The following BAALC variants were observed in gnomAD, a reference collection of about 807,000 sequenced individuals.
The protein encoded by BAALC is brain and acute leukemia cytoplasmic protein.
In BAALC, 9 loss-of-function variants were observed where a neutral mutation model predicts 15.5. That is an observed-to-expected ratio of 0.58 (90% CI 0.35 to 1.02). BAALC has a LOEUF of 1.02. Ranked by LOEUF, BAALC falls within the 50% of genes least tolerant of loss-of-function variation. The pLI is 0.02. For missense variants in BAALC, 201 were observed against 192.4 expected, an observed-to-expected ratio of 1.04 and a Z score of -0.27; for synonymous variants, 80 against 74.6, an observed-to-expected ratio of 1.07 and a Z score of -0.37.
intron 1 of BAALC, among the ~76,000 whole-genome samples, chr8:103,172,758 AATGGAGATAAT>A (rs1811526410): frequency 6.6e-6 from 1 of 152,118 alleles, no homozygotes; most frequent in South Asian, 2.1e-4. Context: ...TTCCCTGTAA[AATGGAGATAAT>A]ATTGCCAACT....
At chr8:103,195,583 A>G (rs540928338) in intron 1 of BAALC, among the ~76,000 whole-genome samples, 1 of 152,228 alleles carries the variant, frequency 6.6e-6, no homozygotes, top group East Asian at 1.9e-4. Context: ...CTGGCACCCT[A>G]TGACAAGTCT....
At chr8:103,146,761 A>G (rs1371151198) in intron 1 of BAALC, among the ~76,000 whole-genome samples, 4 of 152,212 alleles carry the variant, frequency 2.6e-5, no homozygotes, top group Non-Finnish European at 5.9e-5. Flanking sequence ...TTTGCCAAAC[A>G]CAAGCCTTTT....
At chr8:103,190,542 A>G (rs1811942739) in intron 1 of BAALC, among the ~76,000 whole-genome samples, 1 of 152,162 alleles carries the variant, frequency 6.6e-6, no homozygotes, top group Non-Finnish European at 1.5e-5. Context: ...GCAATTATCT[A>G]GGGGTATTAT....
chr8:103,226,663 C>T (rs1036874477), intron 2 of BAALC, among the ~76,000 whole-genome samples: 5 of 152,190 alleles, frequency 3.3e-5, no homozygotes, highest in African/African-American at 1.2e-4. Context: ...AAAGAACCTA[C>T]AATTTAATTA....
intron 1 of BAALC, among the ~76,000 whole-genome samples, chr8:103,145,583 A>C (rs572049192): frequency 6.6e-6 from 1 of 152,220 alleles, no homozygotes; most frequent in Non-Finnish European, 1.5e-5. Flanking sequence ...CTCTTGGTGC[A>C]TGTAAAATCA....
At chr8:103,200,715 G>C (rs1812196056) in intron 1 of BAALC, 1 of 700,544 alleles carries the variant, frequency 1.4e-6, no homozygotes, top group East Asian at 2.7e-5. Flanking sequence ...TCTGATGAAG[G>C]CTTGTTCTCT....
chr8:103,172,026 C>A (rs991927060), intron 1 of BAALC: 8 of 152,212 alleles, frequency 5.3e-5, no homozygotes, highest in Non-Finnish European at 1.0e-4. Flanking sequence ...AGGAATTCTT[C>A]TAAGTGTGAA....
At chr8:103,213,932 T>C (rs1380455969) in intron 2 of BAALC, among the ~76,000 whole-genome samples, 1 of 152,230 alleles carries the variant, frequency 6.6e-6, no homozygotes, top group East Asian at 1.9e-4. Context: ...AGAAAGTTTA[T>C]TCATGAGGCA....
chr8:103,195,799 A>T (rs897100664), intron 1 of BAALC, among the ~76,000 whole-genome samples: 17 of 152,206 alleles, frequency 1.1e-4, no homozygotes, highest in African/African-American at 4.1e-4. Context: ...TACTCTGGCA[A>T]CCAGCTAAAC....
chr8:103,161,716 T>C (rs1563638476), intron 1 of BAALC, among the ~76,000 whole-genome samples: 1 of 152,202 alleles, frequency 6.6e-6, no homozygotes, highest in Non-Finnish European at 1.5e-5. Flanking sequence ...CCCAGAGGCC[T>C]TGTGCCATTT....
intron 1 of BAALC, among the ~76,000 whole-genome samples, chr8:103,143,199 G>A (rs1586367323): frequency 6.6e-6 from 1 of 152,062 alleles, no homozygotes; most frequent in South Asian, 2.1e-4. Context: ...TGGGTCATCC[G>A]TGAAAGCTAC....
At chr8:103,226,648 T>C (rs1192730611) in intron 2 of BAALC, among the ~76,000 whole-genome samples, 1 of 152,240 alleles carries the variant, frequency 6.6e-6, no homozygotes. Flanking sequence ...TGGACACATA[T>C]ACTTAAAGAA....
At chr8:103,216,236 T>C (rs1563656660) in intron 2 of BAALC, among the ~76,000 whole-genome samples, 1 of 152,250 alleles carries the variant, frequency 6.6e-6, no homozygotes, top group Non-Finnish European at 1.5e-5. Flanking sequence ...AATGTTTGTG[T>C]GCATGGTTTG....
At chr8:103,146,395 C>A (rs1429566678) in intron 1 of BAALC, among the ~76,000 whole-genome samples, 1 of 152,170 alleles carries the variant, frequency 6.6e-6, no homozygotes, top group Non-Finnish European at 1.5e-5. Flanking sequence ...CACCCACACC[C>A]CAGCTGCCTT....
chr8:103,190,653 C>G (rs1008419600), intron 1 of BAALC, among the ~76,000 whole-genome samples: 1 of 152,112 alleles, frequency 6.6e-6, no homozygotes, highest in Non-Finnish European at 1.5e-5. Context: ...GAGTGTTGAA[C>G]ATTATTTCCT....
At chr8:103,201,404 G>T (rs570330300) in intron 1 of BAALC, among the ~76,000 whole-genome samples, 1 of 152,040 alleles carries the variant, frequency 6.6e-6, no homozygotes, top group African/African-American at 2.4e-5. Context: ...GGATTGTACA[G>T]GTAAACAATT....
intron 1 of BAALC, among the ~76,000 whole-genome samples, chr8:103,203,380 A>G (rs1325658218): frequency 6.6e-6 from 1 of 152,228 alleles, no homozygotes; most frequent in African/African-American, 2.4e-5. Flanking sequence ...TCTTTAGTCA[A>G]TAAACATTCC....
At chr8:103,221,015 G>A (rs1312633511) in intron 2 of BAALC, among the ~76,000 whole-genome samples, 2 of 152,164 alleles carry the variant, frequency 1.3e-5, no homozygotes, top group Admixed American at 1.3e-4. Flanking sequence ...GGGGGAAAGT[G>A]AGAAAAGGCT....
chr8:103,181,488 G>A (rs980847937), intron 1 of BAALC, among the ~76,000 whole-genome samples: 3 of 152,066 alleles, frequency 2.0e-5, no homozygotes, highest in East Asian at 1.9e-4. Flanking sequence ...TAGCCAGGAT[G>A]GTCTCGATCT....
Sources: gnomAD v4.1 joint callset for allele counts (sites outside exome capture counted in the v4.1 genomes callset) on GRCh38, gnomAD v4.1.1 for gene constraint, MANE v1.5 for transcripts, NCBI Gene and HGNC (gene_info 2026-07-23, HGNC 2026-07-21) for gene names.